DRC10: variants seen among roughly 807,000 people sequenced by gnomAD.
DRC10 encodes IQ domain-containing protein D.
At chr12:113,219,666 G>GT in the DRC10 span, among the ~76,000 whole-genome samples, 747 of 149,042 alleles carry the variant, frequency 5.0e-3, 8 homozygotes, top group African/African-American at 0.018. Flanking sequence ...GAACCTCAAA[G>GT]TTTTTTTTTT....
At chr12:113,204,134 A>C in the DRC10 span, among the ~76,000 whole-genome samples, 1 of 152,184 alleles carries the variant, frequency 6.6e-6, no homozygotes, top group Non-Finnish European at 1.5e-5. Flanking sequence ...TCAGCTACTC[A>C]AAAGGCTAAG....
At chr12:113,209,673 C>T in the DRC10 span, among the ~76,000 whole-genome samples, 9 of 152,200 alleles carry the variant, frequency 5.9e-5, no homozygotes, top group East Asian at 1.9e-4. Context: ...CAGGAGCCAC[C>T]GTGCCGGGCC....
the DRC10 span, among the ~76,000 whole-genome samples, chr12:113,219,793 C>CTTATTTATTTATTTAT: frequency 1.2e-4 from 18 of 151,500 alleles, no homozygotes; most frequent in African/African-American, 4.4e-4. Flanking sequence ...CCACCTCAGC[C>CTTATTTATTTATTTAT]TTATTTATTT....
the DRC10 span, chr12:113,207,675 C>T: frequency 1.2e-6 from 2 of 1,614,010 alleles, no homozygotes; most frequent in East Asian, 4.5e-5. Context: ...GCCTAGCAGC[C>T]TGGGGGTTGC....
the DRC10 span, among the ~76,000 whole-genome samples, chr12:113,216,852 C>T: frequency 6.6e-6 from 1 of 152,002 alleles, no homozygotes; most frequent in African/African-American, 2.4e-5. Context: ...CTTTGGGAGG[C>T]CGAGGTGGGT....
the DRC10 span, among the ~76,000 whole-genome samples, chr12:113,220,181 C>G: frequency 2.6e-5 from 4 of 152,014 alleles, no homozygotes; most frequent in Non-Finnish European, 1.5e-5. Flanking sequence ...ACAATGAGAT[C>G]ACATCTTAAG....
the DRC10 span, among the ~76,000 whole-genome samples, chr12:113,216,921 T>G: frequency 1.3e-5 from 2 of 152,054 alleles, no homozygotes; most frequent in Non-Finnish European, 2.9e-5. Flanking sequence ...AAACCCAGTC[T>G]CTACTAAAAA....
chr12:113,212,496 A>G, the DRC10 span, among the ~76,000 whole-genome samples: 1 of 152,254 alleles, frequency 6.6e-6, no homozygotes, highest in African/African-American at 2.4e-5. Flanking sequence ...TAATGAATGC[A>G]GTCCTCTCCA....
the DRC10 span, among the ~76,000 whole-genome samples, chr12:113,220,051 G>C: frequency 7.9e-5 from 12 of 152,076 alleles, no homozygotes; most frequent in Non-Finnish European, 1.5e-4. Flanking sequence ...CAGGTGATCT[G>C]CTGGCCCAGG....
chr12:113,217,239 A>T, the DRC10 span, among the ~76,000 whole-genome samples: 1 of 151,962 alleles, frequency 6.6e-6, no homozygotes, highest in Non-Finnish European at 1.5e-5. Flanking sequence ...CTCAATGGCT[A>T]CCCCTCCTCA....
chr12:113,211,017 T>C, the DRC10 span, among the ~76,000 whole-genome samples: 1 of 152,088 alleles, frequency 6.6e-6, no homozygotes, highest in South Asian at 2.1e-4. Context: ...TGGCAGAAAT[T>C]GGGAGAGGAG....
the DRC10 span, among the ~76,000 whole-genome samples, chr12:113,211,963 G>A: frequency 1.3e-5 from 2 of 152,078 alleles, no homozygotes; most frequent in Non-Finnish European, 2.9e-5. Context: ...TATTTGGGGA[G>A]CTGAGGCAGG....
At chr12:113,202,481 T>A in the DRC10 span, among the ~76,000 whole-genome samples, 1 of 152,174 alleles carries the variant, frequency 6.6e-6, no homozygotes, top group Non-Finnish European at 1.5e-5. Flanking sequence ...GCTACCCCCA[T>A]GTCTGCTCTC....
the DRC10 span, among the ~76,000 whole-genome samples, chr12:113,218,226 T>C: frequency 1.3e-5 from 2 of 151,004 alleles, no homozygotes; most frequent in African/African-American, 4.9e-5. Context: ...AACCTCTGCC[T>C]CCTGGGTTCA....
chr12:113,205,807 T>G, the DRC10 span, among the ~76,000 whole-genome samples: 1 of 144,814 alleles, frequency 6.9e-6, no homozygotes, highest in Non-Finnish European at 1.5e-5. Context: ...GAGAATGGCG[T>G]GAACCCGGGA....
chr12:113,202,886 C>G, the DRC10 span: 18 of 301,478 alleles, frequency 6.0e-5, no homozygotes, highest in South Asian at 2.6e-4. Flanking sequence ...TTTTGGGTGT[C>G]TCTGTTATAG....
the DRC10 span, among the ~76,000 whole-genome samples, chr12:113,212,567 G>A: frequency 4.6e-5 from 7 of 152,208 alleles, no homozygotes; most frequent in Non-Finnish European, 1.0e-4. Flanking sequence ...GAGTGCGGCT[G>A]GAAACGCAAC....
the DRC10 span, among the ~76,000 whole-genome samples, chr12:113,203,850 G>A: frequency 8.0e-5 from 10 of 124,308 alleles, no homozygotes; most frequent in African/African-American, 3.2e-4. Context: ...TTGAACTCTT[G>A]ACCTCAAGTG....
chr12:113,199,024 G>A, the DRC10 span, among the ~76,000 whole-genome samples: 3 of 150,472 alleles, frequency 2.0e-5, no homozygotes, highest in African/African-American at 4.9e-5. Context: ...CGCAACCCCC[G>A]CCTCCTGAGT....
Sources: gnomAD v4.1 joint callset for allele counts (sites outside exome capture counted in the v4.1 genomes callset) on GRCh38, gnomAD v4.1.1 for gene constraint, MANE v1.5 for transcripts, NCBI Gene and HGNC (gene_info 2026-07-23, HGNC 2026-07-21) for gene names.